The following KLF7 variants were observed in gnomAD, a reference collection of about 807,000 sequenced individuals.
The protein encoded by KLF7 is Krueppel-like factor 7.
KLF7 carries 2 observed loss-of-function variants against 27.3 expected under a neutral mutation model. The observed-to-expected ratio is 0.07, with a 90% CI of 0.03 to 0.23. The LOEUF (loss-of-function observed/expected upper bound fraction) is 0.23. Ranked by LOEUF, KLF7 falls within the 10% of genes least tolerant of loss-of-function variation. The pLI, the probability that KLF7 is intolerant of heterozygous loss-of-function variation, is 1.00. For missense variants in KLF7, 221 were observed against 394.1 expected (o/e 0.56, Z 3.72); for synonymous variants, 165 against 162.4 (o/e 1.02, Z -0.12).
At chr2:207,081,513 G>A (rs1574407922) in intron 3 of KLF7, among the ~76,000 whole-genome samples, 1 of 152,088 alleles carries the variant, frequency 6.6e-6, no homozygotes, top group South Asian at 2.1e-4. Context: ...AGTAGAGTGG[G>A]GATAATTATA....
At chr2:207,145,717 A>G (rs2078079161) in intron 1 of KLF7, among the ~76,000 whole-genome samples, 1 of 152,136 alleles carries the variant, frequency 6.6e-6, no homozygotes, top group South Asian at 2.1e-4. Context: ...CACAATTTAA[A>G]CTTCTGTGCC....
At chr2:207,106,123 C>T (rs1417300727) in intron 2 of KLF7, among the ~76,000 whole-genome samples, 2 of 152,132 alleles carry the variant, frequency 1.3e-5, no homozygotes, top group African/African-American at 4.8e-5. Flanking sequence ...ATATATGTGG[C>T]TCACATTACA....
chr2:207,166,655 C>G (rs1312370079), upstream of KLF7: 11 of 319,854 alleles, frequency 3.4e-5, no homozygotes, highest in Non-Finnish European at 5.0e-5. Flanking sequence ...GGGGAAGCCG[C>G]CGAGGGCGCG....
intron 2 of KLF7, among the ~76,000 whole-genome samples, chr2:207,118,002 G>C (rs2077234913): frequency 6.6e-6 from 1 of 152,200 alleles, no homozygotes; most frequent in Admixed American, 6.5e-5. Context: ...TTCGCAGAAA[G>C]ACTGAAGAAC....
intron 1 of KLF7, among the ~76,000 whole-genome samples, chr2:207,154,737 A>G (rs1322728193): frequency 6.6e-6 from 1 of 152,234 alleles, no homozygotes; most frequent in Non-Finnish European, 1.5e-5. Context: ...TAGGTCAGAG[A>G]GCTGATTCTT....
chr2:207,162,676 G>A (rs1478255477), intron 1 of KLF7, among the ~76,000 whole-genome samples: 1 of 152,210 alleles, frequency 6.6e-6, no homozygotes, highest in East Asian at 1.9e-4. Flanking sequence ...TGACTATTAA[G>A]CAGGACAATT....
chr2:207,146,126 C>T (rs2078089713), intron 1 of KLF7, among the ~76,000 whole-genome samples: 1 of 152,186 alleles, frequency 6.6e-6, no homozygotes, highest in African/African-American at 2.4e-5. Context: ...TATAAAGTGA[C>T]CAACAGGCAA....
At chr2:207,172,825 A>G in the KLF7 span, among the ~76,000 whole-genome samples, 1 of 152,174 alleles carries the variant, frequency 6.6e-6, no homozygotes, top group African/African-American at 2.4e-5. Context: ...ATAAAATCTA[A>G]CACTTTTGGC....
At chr2:207,089,435 C>A (rs754430306) in intron 2 of KLF7, among the ~76,000 whole-genome samples, 3 of 152,224 alleles carry the variant, frequency 2.0e-5, no homozygotes, top group Non-Finnish European at 2.9e-5. Context: ...AGAGCAAGTA[C>A]ATGACTTTGC....
At chr2:207,087,902 T>G (rs921031523) in intron 3 of KLF7, among the ~76,000 whole-genome samples, 8 of 152,192 alleles carry the variant, frequency 5.3e-5, no homozygotes, top group African/African-American at 1.7e-4. Flanking sequence ...CCTTGTCATT[T>G]TTTGCACCCT....
chr2:207,166,558 G>A (rs2078718470), upstream of KLF7: 2 of 153,620 alleles, frequency 1.3e-5, no homozygotes, highest in African/African-American at 4.8e-5. Flanking sequence ...CGTCGCCGCG[G>A]CGGCCCTGAG....
intron 2 of KLF7, among the ~76,000 whole-genome samples, chr2:207,097,565 C>T (rs565028669): frequency 2.6e-5 from 4 of 152,196 alleles, no homozygotes; most frequent in South Asian, 2.1e-4. Flanking sequence ...TGGAAATACA[C>T]GGGACTAAAG....
chr2:207,099,340 C>G (rs201310096), intron 2 of KLF7, among the ~76,000 whole-genome samples: 2 of 151,652 alleles, frequency 1.3e-5, no homozygotes, highest in Admixed American at 6.6e-5. Context: ...ACATGGAGGG[C>G]CAGGACAGGT....
intron 1 of KLF7, among the ~76,000 whole-genome samples, chr2:207,147,028 A>G (rs541686453): frequency 6.6e-6 from 1 of 152,344 alleles, no homozygotes; most frequent in South Asian, 2.1e-4. Context: ...CCAATTGGGT[A>G]TAAATCCAGT....
At chr2:207,163,289 A>T (rs2078601715) in intron 1 of KLF7, among the ~76,000 whole-genome samples, 1 of 152,198 alleles carries the variant, frequency 6.6e-6, no homozygotes, top group Admixed American at 6.5e-5. Flanking sequence ...TAAGGGTTTT[A>T]AGGTGAGAGT....
rs1000619414 is a variant in KLF7, at chr2:207,165,651, ACCC to A, written c.-86_-84del. On this transcript the variant is annotated 5_prime_UTR_variant, in exon 1 of 4. Coordinates refer to ENST00000309446, the MANE Select transcript of KLF7 (RefSeq NM_003709.4). ...GTTTGTTTGTCAGTCTGTCTGGCTC[ACCC>A]CCCAAGAAGGCAGACATCCAGTGGC... is the stretch of plus-strand genomic sequence containing the variant. 3.2e-6 allele frequency: 5 copies of A among 1,578,204 alleles called. No homozygotes were observed. The African/African-American group carries it at 6.8e-5, about 21-fold the overall frequency.
chr2:207,153,452 T>C (rs988035792), intron 1 of KLF7, among the ~76,000 whole-genome samples: 1 of 152,190 alleles, frequency 6.6e-6, no homozygotes, highest in Non-Finnish European at 1.5e-5. Flanking sequence ...GAGTCAGACA[T>C]GGCAAACAGA....
upstream of KLF7, chr2:207,166,045 C>T (rs2078699306): frequency 2.5e-6 from 1 of 405,966 alleles, no homozygotes; most frequent in Non-Finnish European, 3.2e-6. Flanking sequence ...CTCCCCACCC[C>T]CCACCCCATC....
intron 1 of KLF7, among the ~76,000 whole-genome samples, chr2:207,125,298 G>A (rs1401587566): frequency 6.6e-6 from 1 of 152,202 alleles, no homozygotes; most frequent in African/African-American, 2.4e-5. Flanking sequence ...AGATGGGGGA[G>A]TGCTTTTATG....
Sources: allele counts gnomAD v4.1 joint callset (sites outside exome capture counted in the v4.1 genomes callset), GRCh38; gene constraint gnomAD v4.1.1; transcripts MANE v1.5; gene names NCBI Gene and HGNC (gene_info 2026-07-23, HGNC 2026-07-21).